The following MACROD2 variants were observed in gnomAD, a reference collection of about 807,000 sequenced individuals.
The protein encoded by MACROD2 is mono-ADP ribosylhydrolase 2, also known as ADP-ribose glycohydrolase MACROD2.
Under a neutral mutation model 70.4 loss-of-function variants are expected in MACROD2, and 36 were observed. That is an observed-to-expected ratio of 0.51 (90% CI 0.39 to 0.68). The LOEUF is 0.68. Among genes scored for constraint, MACROD2 ranks in the 30% least tolerant of loss-of-function variants. The probability of loss-of-function intolerance (pLI) is 0.00; values close to 1 mark genes in which losing one functional copy is unlikely to be tolerated. For synonymous variants in MACROD2, 172 were observed against 178.8 expected (o/e 0.96, Z 0.30); for missense variants, 496 against 538.4 (o/e 0.92, Z 0.78).
chr20:15,615,014 G>A (rs550151799), intron 8 of MACROD2, among the ~76,000 whole-genome samples: 3 of 152,296 alleles, frequency 2.0e-5, no homozygotes, highest in South Asian at 4.1e-4. Flanking sequence ...TGTGTGCAGG[G>A]TATGGGGAAT....
chr20:15,817,870 C>T (rs1344034461), intron 8 of MACROD2, among the ~76,000 whole-genome samples: 3 of 152,138 alleles, frequency 2.0e-5, no homozygotes, highest in African/African-American at 7.2e-5. Flanking sequence ...CTGGCCTGGC[C>T]CTGCCCTTCC....
At chr20:15,543,460 T>C (rs2047985015) in intron 8 of MACROD2, among the ~76,000 whole-genome samples, 1 of 152,222 alleles carries the variant, frequency 6.6e-6, no homozygotes, top group Non-Finnish European at 1.5e-5. Flanking sequence ...GCCACAACCA[T>C]TGAAAGCTTG....
At chr20:14,325,797 TCTC>T in intron 3 of MACROD2, 3 of 1,613,918 alleles carry the variant, frequency 1.9e-6, no homozygotes, top group Non-Finnish European at 2.5e-6. Context: ...CATCCTTTCT[TCTC>T]CTCCCTTTGC....
At chr20:14,096,684 A>G (rs1380174005) in intron 3 of MACROD2, among the ~76,000 whole-genome samples, 2 of 152,196 alleles carry the variant, frequency 1.3e-5, no homozygotes, top group African/African-American at 4.8e-5. Flanking sequence ...CAGTCTTTGC[A>G]TATATGCCAT....
chr20:15,471,041 A>G lies in MACROD2; in HGVS notation c.572-28733A>G, dbSNP rs904925573. ...TTGGATCCTATGGTTGATTATATCA[A>G]CAATGGTCTTGTATGTGCCCCTTTC... On this transcript the variant is annotated intron_variant, in intron 7 of 17. Coordinates refer to ENST00000684519, the MANE Select transcript of MACROD2 (RefSeq NM_001351661.2). Among the ~76,000 whole-genome samples, 8 of 152,318 alleles carry G rather than the reference A, an allele frequency of 5.3e-5. No individual in the cohort carries two copies. The East Asian group carries it at 1.2e-3, about 22-fold the overall frequency.
At chr20:14,524,694 A>G (rs970863009) in intron 4 of MACROD2, among the ~76,000 whole-genome samples, 2 of 152,110 alleles carry the variant, frequency 1.3e-5, no homozygotes, top group African/African-American at 2.4e-5. Flanking sequence ...AGATGCCACT[A>G]AGAGGGAAAG....
chr20:14,275,633 G>C (rs1254943482), intron 3 of MACROD2, among the ~76,000 whole-genome samples: 5 of 151,920 alleles, frequency 3.3e-5, no homozygotes, highest in African/African-American at 1.2e-4. Context: ...TGACAAATGG[G>C]ATCTAATTAA....
At chr20:15,928,048 C>T (rs2065518005) in intron 10 of MACROD2, among the ~76,000 whole-genome samples, 1 of 152,182 alleles carries the variant, frequency 6.6e-6, no homozygotes, top group Non-Finnish European at 1.5e-5. Flanking sequence ...AGTGGCGAAA[C>T]ACAGATGTGA....
intron 2 of MACROD2, among the ~76,000 whole-genome samples, chr20:14,046,459 A>G (rs545564241): frequency 1.0e-3 from 152 of 152,354 alleles, no homozygotes; most frequent in Admixed American, 2.2e-3. Flanking sequence ...GTAGAATTAT[A>G]AACAACTGCT....
chr20:15,852,699 T>G (rs1338347388), intron 8 of MACROD2, among the ~76,000 whole-genome samples: 2 of 152,252 alleles, frequency 1.3e-5, no homozygotes, highest in Non-Finnish European at 2.9e-5. Flanking sequence ...TCAGCTTACC[T>G]GTTTCCCGTT....
chr20:14,054,609 A>G (rs2148651329), intron 2 of MACROD2, among the ~76,000 whole-genome samples: 1 of 152,298 alleles, frequency 6.6e-6, no homozygotes, highest in South Asian at 2.1e-4. Context: ...GGAGGGAGCC[A>G]ATAGAGTAAA....
At chr20:14,864,992 C>T (rs1186681529) in intron 5 of MACROD2, among the ~76,000 whole-genome samples, 2 of 152,010 alleles carry the variant, frequency 1.3e-5, no homozygotes, top group Non-Finnish European at 2.9e-5. Context: ...ACAAATTGCT[C>T]ATATATACGT....
chr20:14,581,880 C>A (rs1981045151), intron 4 of MACROD2, among the ~76,000 whole-genome samples: 1 of 152,174 alleles, frequency 6.6e-6, no homozygotes, highest in Non-Finnish European at 1.5e-5. Context: ...TGATTCAGTT[C>A]TTGGCCAATA....
At chr20:15,063,726 T>C (rs768547365) in intron 5 of MACROD2, among the ~76,000 whole-genome samples, 14 of 152,194 alleles carry the variant, frequency 9.2e-5, no homozygotes, top group Non-Finnish European at 1.5e-4. Flanking sequence ...GCTACCTGCA[T>C]GGGTTGACAA....
intron 6 of MACROD2, among the ~76,000 whole-genome samples, chr20:15,234,003 ATATATAT>A (rs2076986166): frequency 1.8e-5 from 1 of 57,018 alleles, no homozygotes; most frequent in African/African-American, 5.4e-5. Flanking sequence ...ATATATATAT[ATATATAT>A]TCTTTTTTTT....
In MACROD2 at chr20:15,797,362, G is replaced by A. The variant is rs6034292; in HGVS notation, c.646-65383G>A. Reference sequence around the variant, plus strand: ...CATCTCCTGACCTCGTGATCCGCCCGCCCCAGCCTCCCAAAGTGCTGGGAT... The same window carrying A: ...CATCTCCTGACCTCGTGATCCGCCCACCCCAGCCTCCCAAAGTGCTGGGAT... On this transcript the variant is annotated intron_variant, in intron 8 of 17. Transcript: ENST00000684519. 4.9e-3 allele frequency among the ~76,000 whole-genome samples: 738 copies of A among 152,130 alleles called. 6 individuals carry two copies. Among genetic ancestry groups the A allele is most frequent in the African/African-American group, 0.017 (709 of 41,504 alleles).
At chr20:14,583,454 C>T (rs1255442083) in intron 4 of MACROD2, among the ~76,000 whole-genome samples, 1 of 152,148 alleles carries the variant, frequency 6.6e-6, no homozygotes, top group Non-Finnish European at 1.5e-5. Context: ...GAAGTAGCCT[C>T]AGTAATAGAT....
chr20:14,700,524 TGTGTGTG>T (rs1568746095), intron 5 of MACROD2, among the ~76,000 whole-genome samples: 1,316 of 125,526 alleles, frequency 0.01, 18 homozygotes, highest in African/African-American at 0.035. Context: ...CATATGGTGG[TGTGTGTG>T]TGTGTGTGTG....
intron 9 of MACROD2, among the ~76,000 whole-genome samples, chr20:15,872,209 C>T (rs566109903): frequency 6.6e-6 from 1 of 152,290 alleles, no homozygotes; most frequent in Non-Finnish European, 1.5e-5. Flanking sequence ...GGTATATCCA[C>T]ATGTCCTCTT....
Sources: gnomAD v4.1 joint callset for allele counts (sites outside exome capture counted in the v4.1 genomes callset) on GRCh38, gnomAD v4.1.1 for gene constraint, MANE v1.5 for transcripts, NCBI Gene and HGNC (gene_info 2026-07-23, HGNC 2026-07-21) for gene names.